The following ADAMTS19 variants were observed in gnomAD, a reference collection of about 807,000 sequenced individuals.
ADAMTS19 encodes A disintegrin and metalloproteinase with thrombospondin motifs 19.
Under a neutral mutation model 153.3 loss-of-function variants are expected in ADAMTS19, and 93 were observed. The ratio of observed to expected loss-of-function variants is 0.61; its 90% CI spans 0.51 to 0.72. The LOEUF is 0.72. Ranked by LOEUF, ADAMTS19 falls within the 30% of genes least tolerant of loss-of-function variation. The probability of loss-of-function intolerance (pLI) is 0.00; values close to 1 mark genes in which losing one functional copy is unlikely to be tolerated. For missense variants in ADAMTS19, 1,482 were observed against 1,552.1 expected (o/e 0.95, Z 0.76); for synonymous variants, 600 against 556.6 (o/e 1.08, Z -1.10).
intron 7 of ADAMTS19, among the ~76,000 whole-genome samples, chr5:129,562,179 A>G (rs538245945): frequency 3.2e-4 from 49 of 152,338 alleles, no homozygotes; most frequent in Non-Finnish European, 5.9e-4. Flanking sequence ...AACTCAAACA[A>G]TCTCACAGTA....
chr5:129,668,141 C>A (rs1012479718), intron 16 of ADAMTS19, among the ~76,000 whole-genome samples: 1 of 152,144 alleles, frequency 6.6e-6, no homozygotes, highest in Non-Finnish European at 1.5e-5. Context: ...TCGCTTGTGA[C>A]CTTGTCACTC....
chr5:129,581,891 G>T (rs1284850393), intron 7 of ADAMTS19, among the ~76,000 whole-genome samples: 1 of 152,118 alleles, frequency 6.6e-6, no homozygotes, highest in Non-Finnish European at 1.5e-5. Context: ...AGGTTGTTCA[G>T]TTTCCATGTA....
At chr5:129,474,268 T>C (rs1444065569) in intron 2 of ADAMTS19, among the ~76,000 whole-genome samples, 1 of 152,166 alleles carries the variant, frequency 6.6e-6, no homozygotes, top group African/African-American at 2.4e-5. Context: ...ATTTCCACTG[T>C]CCTGAAATAC....
At chr5:129,658,309 A>AAAAGAAAGAAAGAAAGAGAAAG in intron 14 of ADAMTS19, among the ~76,000 whole-genome samples, 1 of 113,688 alleles carries the variant, frequency 8.8e-6, no homozygotes, top group African/African-American at 4.0e-5. Flanking sequence ...GAAAGAAAGA[A>AAAAGAAAGAAAGAAAGAGAAAG]AAAGAAAGAA....
chr5:129,641,995 T>C lies in ADAMTS19; in HGVS notation c.1872+35T>C, dbSNP rs781380546. ...TTGTGTTGTCTGAATTTAATGAGCA[T>C]ACTAGATGAAACTTGAGAATCTTGC... On this transcript the variant is annotated intron_variant, in intron 11 of 22. Transcript: ENST00000274487. 14 of 1,343,276 alleles carry C rather than the reference T, an allele frequency of 1.0e-5. No homozygotes were observed. In the Admixed American group the frequency reaches 1.2e-4, roughly 11 times the overall value. The allele number at this position is 1,343,276 out of a possible 1,614,324, so 83.2% of individuals were successfully genotyped here. A position where few individuals can be genotyped will look rare whatever the true frequency, so the allele number is the denominator to read the frequency against.
intron 6 of ADAMTS19, among the ~76,000 whole-genome samples, chr5:129,538,463 C>T (rs1034011612): frequency 1.3e-5 from 2 of 152,022 alleles, no homozygotes; most frequent in Admixed American, 6.6e-5. Flanking sequence ...GAATTTTCTG[C>T]ATCCAATTTT....
chr5:129,520,146 A>T (rs1751747407), intron 3 of ADAMTS19, among the ~76,000 whole-genome samples: 1 of 152,124 alleles, frequency 6.6e-6, no homozygotes, highest in Non-Finnish European at 1.5e-5. Flanking sequence ...TTCTATCCCT[A>T]TGTACCATAC....
chr5:129,566,381 G>A (rs1178281058), intron 7 of ADAMTS19, among the ~76,000 whole-genome samples: 1 of 152,064 alleles, frequency 6.6e-6, no homozygotes, highest in Non-Finnish European at 1.5e-5. Flanking sequence ...TCTAGTTTCA[G>A]GTAAACTGGA....
Position 129,528,739 on chromosome 5 carries a change from T to G in ADAMTS19, c.1328+62T>G, listed in dbSNP as rs529892937. The G allele has an allele frequency of 1.1e-5, 14 of 1,280,654 alleles. No individual in the cohort carries two copies. The African/African-American group carries it at 2.2e-4, about 20-fold the overall frequency. The allele number at this position is 1,280,654 out of a possible 1,614,324, so 79.3% of individuals were successfully genotyped here. A position where few individuals can be genotyped will look rare whatever the true frequency, so the allele number is the denominator to read the frequency against. ...TTCAATCACTGCACTGTTGATCCCA[T>G]TAATCCCTTAATAGATAATGTTTTT... is the stretch of plus-strand genomic sequence containing the variant. On this transcript the variant is annotated intron_variant, in intron 6 of 22. Coordinates refer to ENST00000274487, the MANE Select transcript of ADAMTS19 (RefSeq NM_133638.6).
At chr5:129,676,283 A>G (rs952793631) in intron 16 of ADAMTS19, among the ~76,000 whole-genome samples, 2 of 152,182 alleles carry the variant, frequency 1.3e-5, no homozygotes, top group Admixed American at 1.3e-4. Context: ...ACTTACTTGC[A>G]GATCAGCTTA....
Position 129,528,696 on chromosome 5 carries a change from A to G in ADAMTS19, c.1328+19A>G. ...TAACAAGGTAAATTTTCCAATGCCA[A>G]TTAAATGGCATTCCTAATTCAATCA... On this transcript the variant is annotated intron_variant, in intron 6 of 22. Coordinates refer to ENST00000274487, the MANE Select transcript of ADAMTS19 (RefSeq NM_133638.6). 3 of 1,565,404 alleles carry G rather than the reference A, an allele frequency of 1.9e-6. No individual in the cohort carries two copies. Among genetic ancestry groups the G allele is most frequent in the South Asian group, 2.4e-5 (2 of 84,680 alleles).
intron 21 of ADAMTS19, among the ~76,000 whole-genome samples, chr5:129,727,854 C>A (rs900282436): frequency 2.6e-5 from 4 of 152,080 alleles, no homozygotes; most frequent in Admixed American, 2.6e-4. Flanking sequence ...GGCTTTGGAA[C>A]CAGAGAGACT....
intron 8 of ADAMTS19, among the ~76,000 whole-genome samples, chr5:129,607,166 G>A (rs772027616): frequency 4.6e-5 from 7 of 151,946 alleles, no homozygotes; most frequent in South Asian, 2.1e-4. Flanking sequence ...ATCCACCCGC[G>A]GTGGCCTCCC....
At chr5:129,573,005 C>T (rs1753967588) in intron 7 of ADAMTS19, among the ~76,000 whole-genome samples, 1 of 152,022 alleles carries the variant, frequency 6.6e-6, no homozygotes, top group Non-Finnish European at 1.5e-5. Context: ...GTGTATTCCA[C>T]AAAAGGTTTG....
intron 8 of ADAMTS19, among the ~76,000 whole-genome samples, chr5:129,617,306 A>C (rs1751575503): frequency 6.6e-6 from 1 of 151,998 alleles, no homozygotes; most frequent in South Asian, 2.1e-4. Flanking sequence ...CCATGGCTGA[A>C]GCTAATTTCT....
chr5:129,712,678 A>C (rs1756536802), intron 21 of ADAMTS19, among the ~76,000 whole-genome samples: 1 of 152,152 alleles, frequency 6.6e-6, no homozygotes, highest in African/African-American at 2.4e-5. Context: ...AATTTCTAAA[A>C]TGTTTGGATT....
intron 3 of ADAMTS19, among the ~76,000 whole-genome samples, chr5:129,512,577 T>A (rs1751477296): frequency 1.3e-5 from 2 of 152,092 alleles, no homozygotes; most frequent in East Asian, 3.9e-4. Flanking sequence ...TATGGCAGAG[T>A]CAGCTGTGAA....
chr5:129,510,530 C>T (rs945410038), intron 3 of ADAMTS19, among the ~76,000 whole-genome samples: 3 of 151,638 alleles, frequency 2.0e-5, no homozygotes, highest in African/African-American at 7.3e-5. Context: ...GAGAAAAAGT[C>T]AGCTGAACAA....
At position 129,694,717 on chromosome 5, in the gene ADAMTS19, C is replaced by A. The variant is rs774875365; in HGVS notation, c.2819-3C>A. On this transcript the variant is annotated splice_region_variant and splice_polypyrimidine_tract_variant and intron_variant, in intron 18 of 22. Transcript: ENST00000274487. ...TATTTCTTTGTTTATTTGTTCTTTTCAGGAGAAAGGAAGACAACAGTGTCC... is the reference window on the plus strand; with the variant it reads ...TATTTCTTTGTTTATTTGTTCTTTTAAGGAGAAAGGAAGACAACAGTGTCC... 1.3e-6 allele frequency: 2 copies of A among 1,557,842 alleles called. No homozygotes were observed. The highest frequency in any genetic ancestry group is 1.7e-6 in the Non-Finnish European group (2 of 1,151,252).
Sources: gnomAD v4.1 joint callset for allele counts (sites outside exome capture counted in the v4.1 genomes callset) on GRCh38, gnomAD v4.1.1 for gene constraint, MANE v1.5 for transcripts, NCBI Gene and HGNC (gene_info 2026-07-23, HGNC 2026-07-21) for gene names.